CDIN1: variants seen among roughly 807,000 people sequenced by gnomAD.
CDIN1 encodes the protein CDAN1 interacting nuclease 1, also known as CDAN1-interacting nuclease 1.
CDIN1 carries 33 observed loss-of-function variants against 45.3 expected under a neutral mutation model. The ratio of observed to expected loss-of-function variants is 0.73; its 90% CI spans 0.55 to 0.97. The LOEUF (loss-of-function observed/expected upper bound fraction) is 0.97. Ranked by LOEUF, CDIN1 falls within the 50% of genes least tolerant of loss-of-function variation. CDIN1 has a pLI of 0.00. For synonymous variants in CDIN1, 118 were observed against 124.4 expected, an observed-to-expected ratio of 0.95 and a Z score of 0.34; for missense variants, 303 against 339.4, an observed-to-expected ratio of 0.89 and a Z score of 0.84.
intron 10 of CDIN1, among the ~76,000 whole-genome samples, chr15:36,778,830 T>C (rs2054282017): frequency 6.6e-6 from 1 of 152,186 alleles, no homozygotes; most frequent in African/African-American, 2.4e-5. Flanking sequence ...AATAAAAATA[T>C]AAAATGCTGA....
chr15:36,718,812 CTTTTTTTT>C (rs3045909), intron 10 of CDIN1, among the ~76,000 whole-genome samples: 5 of 96,624 alleles, frequency 5.2e-5, no homozygotes, highest in African/African-American at 1.5e-4. Context: ...AATTTGTATG[CTTTTTTTT>C]TTTTTTTTTT....
intron 1 of CDIN1, chr15:36,627,698 A>T (rs1595387442): frequency 1.3e-5 from 2 of 152,314 alleles, no homozygotes; most frequent in Non-Finnish European, 2.9e-5. Flanking sequence ...TCGGGGCTTC[A>T]CCTGCCAGCA....
chr15:36,747,219 A>C (rs775243728), intron 10 of CDIN1: 9 of 372,094 alleles, frequency 2.4e-5, no homozygotes, highest in Non-Finnish European at 3.8e-5. Context: ...ATCTCTCTAA[A>C]TAAAAGTTGA....
chr15:36,771,927 C>CAA (rs373077953), intron 10 of CDIN1, among the ~76,000 whole-genome samples: 4,303 of 126,250 alleles, frequency 0.034, 133 homozygotes, highest in African/African-American at 0.071. Context: ...GACTCAGTCT[C>CAA]AAAAAAAAAA....
intron 6 of CDIN1, 140 bp from the exon 7 acceptor site, chr15:36,691,986 C>A: frequency 1.1e-6 from 1 of 877,730 alleles, no homozygotes; most frequent in South Asian, 1.9e-5. Context: ...GTGATTAAAT[C>A]CGAACCGCCT....
At chr15:36,756,471 CCTCT>C (rs1555404907) in intron 10 of CDIN1, among the ~76,000 whole-genome samples, 1 of 152,102 alleles carries the variant, frequency 6.6e-6, no homozygotes. Context: ...CTGCTCTTTC[CCTCT>C]CTCTCTAAAT....
At chr15:36,594,736 G>A (rs943362062) in intron 1 of CDIN1, 1 of 164,830 alleles carries the variant, frequency 6.1e-6, no homozygotes, top group Non-Finnish European at 1.3e-5. Flanking sequence ...TGAATGGCAG[G>A]ACAGTGTGGT....
chr15:36,582,792 G>A (rs370734969), intron 1 of CDIN1, among the ~76,000 whole-genome samples: 1 of 152,196 alleles, frequency 6.6e-6, no homozygotes, highest in South Asian at 2.1e-4. Flanking sequence ...AGCAGAGCGT[G>A]AGAGTCTCTG....
chr15:36,740,876 C>T lies in CDIN1; in HGVS notation c.716+30915C>T, dbSNP rs1461906336. 1.1e-4 allele frequency among the ~76,000 whole-genome samples: 17 copies of T among 148,796 alleles called. 1 individual carries two copies. The South Asian group carries it at 2.5e-3, about 22-fold the overall frequency. On this transcript the variant is annotated intron_variant, in intron 10 of 10. Coordinates refer to ENST00000566621, the MANE Select transcript of CDIN1 (RefSeq NM_001321759.2). ...TGCTCTCCAGCCTAGGCAACAAGAGCGAGACTCCATCTCAAAAAAAAAAAA... is the reference window on the plus strand; with the variant it reads ...TGCTCTCCAGCCTAGGCAACAAGAGTGAGACTCCATCTCAAAAAAAAAAAA...
At chr15:36,677,834 T>C (rs1386041149) in intron 5 of CDIN1, among the ~76,000 whole-genome samples, 1 of 152,038 alleles carries the variant, frequency 6.6e-6, no homozygotes, top group African/African-American at 2.4e-5. Context: ...TGTGTGTGAG[T>C]GTGGAGAAGA....
chr15:36,609,563 T>C (rs1330029264), intron 1 of CDIN1, among the ~76,000 whole-genome samples: 1 of 152,098 alleles, frequency 6.6e-6, no homozygotes, highest in Non-Finnish European at 1.5e-5. Context: ...GCCAGGAGTT[T>C]GAGAAAAAAC....
At chr15:36,747,831 C>T (rs970586375) in intron 10 of CDIN1, among the ~76,000 whole-genome samples, 24 of 151,982 alleles carry the variant, frequency 1.6e-4, no homozygotes, top group Non-Finnish European at 2.9e-5. Flanking sequence ...TTATCAGACC[C>T]CCGAGCCAAC....
chr15:36,778,608 T>C (rs549503642), intron 10 of CDIN1, among the ~76,000 whole-genome samples: 1 of 152,356 alleles, frequency 6.6e-6, no homozygotes, highest in South Asian at 2.1e-4. Flanking sequence ...TGTATTTATC[T>C]TGGCATATAG....
chr15:36,741,521 G>T (rs1245438963), intron 10 of CDIN1, among the ~76,000 whole-genome samples: 1 of 150,448 alleles, frequency 6.6e-6, no homozygotes. Context: ...TGCTCTAGGG[G>T]TCCTAGTTTC....
chr15:36,580,410 G>A (rs1011737395), intron 1 of CDIN1, among the ~76,000 whole-genome samples: 2 of 152,178 alleles, frequency 1.3e-5, no homozygotes, highest in African/African-American at 4.8e-5. Flanking sequence ...CATACTGTTT[G>A]ACTGTGGCTT....
At chr15:36,646,446 C>T (rs2040333351) in intron 3 of CDIN1, among the ~76,000 whole-genome samples, 1 of 152,136 alleles carries the variant, frequency 6.6e-6, no homozygotes. Flanking sequence ...CATACACACA[C>T]ACAGTTTTGT....
chr15:36,764,851 C>G (rs1209065753), intron 10 of CDIN1, among the ~76,000 whole-genome samples: 3 of 152,254 alleles, frequency 2.0e-5, no homozygotes, highest in Non-Finnish European at 2.9e-5. Flanking sequence ...GACACATGCC[C>G]TTCTTTGCCA....
intron 10 of CDIN1, among the ~76,000 whole-genome samples, chr15:36,798,061 G>A (rs1346664952): frequency 7.0e-6 from 1 of 143,866 alleles, no homozygotes; most frequent in African/African-American, 2.6e-5. Context: ...TTTTCCAAAT[G>A]AGTAGTAACA....
Position 36,737,672 on chromosome 15 carries a change from C to T in CDIN1, c.716+27711C>T, listed in dbSNP as rs149484098. On this transcript the variant is annotated intron_variant, in intron 10 of 10. Transcript: ENST00000566621. ...CAGTTATGGGATCAGATCACTGTAC[C>T]GGCTGCTTATGAGTCAGAGGACAAT... Among the ~76,000 whole-genome samples, 190 of 152,180 alleles carry T rather than the reference C, an allele frequency of 1.2e-3. 2 individuals carry two copies. Among genetic ancestry groups the T allele is most frequent in the African/African-American group, 4.1e-3 (170 of 41,520 alleles).
Sources: gnomAD v4.1 joint callset for allele counts (sites outside exome capture counted in the v4.1 genomes callset) on GRCh38, gnomAD v4.1.1 for gene constraint, MANE v1.5 for transcripts, NCBI Gene and HGNC (gene_info 2026-07-23, HGNC 2026-07-21) for gene names.